The following MEIS2 variants were observed in gnomAD, a reference collection of about 807,000 sequenced individuals.
The protein encoded by MEIS2 is Meis homeobox 2.
MEIS2 carries 9 observed loss-of-function variants against 58.6 expected under a neutral mutation model. The observed-to-expected ratio is 0.15, with a 90% CI of 0.09 to 0.27. The LOEUF (loss-of-function observed/expected upper bound fraction) is 0.27, where lower values mean the gene tolerates loss of function less well. Ranked by LOEUF, MEIS2 falls within the 10% of genes least tolerant of loss-of-function variation. The pLI is 1.00. For missense variants in MEIS2, 427 were observed against 635.0 expected (o/e 0.67, Z 3.52); for synonymous variants, 221 against 228.4 (o/e 0.97, Z 0.29).
At chr15:36,966,664 G>C (rs909483445) in intron 8 of MEIS2, among the ~76,000 whole-genome samples, 1 of 152,144 alleles carries the variant, frequency 6.6e-6, no homozygotes, top group South Asian at 2.1e-4. Context: ...TGTTACAGGA[G>C]AGAAAAATCT....
intron 8 of MEIS2, among the ~76,000 whole-genome samples, chr15:37,020,196 C>T (rs1424347696): frequency 6.6e-6 from 1 of 152,122 alleles, no homozygotes; most frequent in Non-Finnish European, 1.5e-5. Flanking sequence ...CAAGTCTCCT[C>T]TACAAAGCGT....
In MEIS2 at chr15:36,947,678, G is replaced by C. The variant is rs76906961; in HGVS notation, c.977+2646C>G. Among the ~76,000 whole-genome samples the C allele has an allele frequency of 4.6e-3, 703 of 151,938 alleles. 3 individuals are homozygous for C. The highest frequency in any genetic ancestry group is 7.2e-3 in the Non-Finnish European group (490 of 67,874). On this transcript the variant is annotated intron_variant, in intron 9 of 11. Coordinates refer to ENST00000561208, the MANE Select transcript of MEIS2 (RefSeq NM_170675.5). ...CAAGCCTAATTTCCTGGTCTCAATC[G>C]GAGAAGTGGGCATTATTTCCTAGTA...
chr15:36,943,339 T>G (rs1274774839), intron 9 of MEIS2, among the ~76,000 whole-genome samples: 1 of 152,148 alleles, frequency 6.6e-6, no homozygotes. Flanking sequence ...TATAATGAAG[T>G]GCAGAAGTAG....
At chr15:36,896,710 G>T in intron 9 of MEIS2, 24 bp from the exon 10 acceptor site, 1 of 1,601,592 alleles carries the variant, frequency 6.2e-7, no homozygotes, top group Non-Finnish European at 8.6e-7. Flanking sequence ...GAGAAGTCCA[G>T]TCATCATACT....
intron 6 of MEIS2, among the ~76,000 whole-genome samples, chr15:37,088,124 C>G (rs374853267): frequency 6.6e-6 from 1 of 152,124 alleles, no homozygotes; most frequent in Non-Finnish European, 1.5e-5. Context: ...AAGTGATGTA[C>G]CTCATTTCTA....
chr15:36,908,635 C>T (rs2056855484), intron 9 of MEIS2, among the ~76,000 whole-genome samples: 1 of 152,198 alleles, frequency 6.6e-6, no homozygotes, highest in South Asian at 2.1e-4. Context: ...TCCACTTTCA[C>T]AATGCAGATA....
intron 8 of MEIS2, among the ~76,000 whole-genome samples, chr15:37,029,193 T>C (rs962323776): frequency 1.9e-4 from 29 of 152,220 alleles, no homozygotes; most frequent in African/African-American, 6.7e-4. Flanking sequence ...CTATGCTGCA[T>C]GTTTGTGGGA....
chr15:37,013,165 G>T (rs1161361727), intron 8 of MEIS2, among the ~76,000 whole-genome samples: 4 of 152,140 alleles, frequency 2.6e-5, no homozygotes, highest in African/African-American at 9.7e-5. Context: ...AGTGCCAGAT[G>T]GCACCTTACA....
At chr15:37,054,953 A>T (rs1319686551) in intron 7 of MEIS2, among the ~76,000 whole-genome samples, 1 of 152,198 alleles carries the variant, frequency 6.6e-6, no homozygotes, top group Non-Finnish European at 1.5e-5. Context: ...TCTCTTCCAG[A>T]CACTCTGCTA....
At chr15:37,003,340 A>AAACAAC (rs35132063) in intron 8 of MEIS2, among the ~76,000 whole-genome samples, 31 of 151,376 alleles carry the variant, frequency 2.0e-4, no homozygotes, top group South Asian at 4.2e-4. Flanking sequence ...CTTCCAGGGT[A>AAACAAC]AACAACAACA....
At chr15:36,938,067 T>C (rs920213180) in intron 9 of MEIS2, among the ~76,000 whole-genome samples, 5 of 152,174 alleles carry the variant, frequency 3.3e-5, no homozygotes, top group African/African-American at 1.2e-4. Context: ...TGGTTCTATA[T>C]AGCTTTCTGC....
At chr15:36,940,473 A>G (rs1014347126) in intron 9 of MEIS2, among the ~76,000 whole-genome samples, 1 of 152,126 alleles carries the variant, frequency 6.6e-6, no homozygotes, top group Non-Finnish European at 1.5e-5. Context: ...TTTAATTGGT[A>G]TCACTTTGTC....
intron 7 of MEIS2, among the ~76,000 whole-genome samples, chr15:37,059,434 T>C (rs1383869774): frequency 6.6e-6 from 1 of 152,218 alleles, no homozygotes; most frequent in Non-Finnish European, 1.5e-5. Context: ...CTCTTTCAAA[T>C]TATTTGGCCT....
At chr15:36,906,804 A>T (rs76720241) in intron 9 of MEIS2, among the ~76,000 whole-genome samples, 7,376 of 152,226 alleles carry the variant, frequency 0.048, 598 homozygotes, top group African/African-American at 0.17. Flanking sequence ...GGCTACCTCC[A>T]AAAAAATTAC....
chr15:36,914,276 C>T (rs2057173540), intron 9 of MEIS2, among the ~76,000 whole-genome samples: 1 of 152,174 alleles, frequency 6.6e-6, no homozygotes. Flanking sequence ...ACTCTTGTGC[C>T]AGAGTATTCA....
At chr15:36,918,922 A>T (rs1382015251) in intron 9 of MEIS2, among the ~76,000 whole-genome samples, 1 of 152,192 alleles carries the variant, frequency 6.6e-6, no homozygotes, top group African/African-American at 2.4e-5. Flanking sequence ...ACCATTTCTC[A>T]TCTGTAAAAT....
chr15:37,047,181 C>T (rs2062710802), intron 7 of MEIS2, among the ~76,000 whole-genome samples: 1 of 152,122 alleles, frequency 6.6e-6, no homozygotes, highest in Admixed American at 6.5e-5. Flanking sequence ...CTCAAATGCC[C>T]TTTTCCACAG....
chr15:36,997,646 A>ATT (rs200696936), intron 8 of MEIS2, among the ~76,000 whole-genome samples: 5 of 151,288 alleles, frequency 3.3e-5, no homozygotes, highest in Non-Finnish European at 7.4e-5. Context: ...CGCCTGGCTA[A>ATT]TTTTTTTTGT....
At chr15:37,071,950 T>C (rs979003470) in intron 7 of MEIS2, among the ~76,000 whole-genome samples, 5 of 152,080 alleles carry the variant, frequency 3.3e-5, no homozygotes, top group Non-Finnish European at 7.4e-5. Context: ...TTCAAACACA[T>C]GGCAGGGAAA....
Sources: allele counts gnomAD v4.1 joint callset (sites outside exome capture counted in the v4.1 genomes callset), GRCh38; gene constraint gnomAD v4.1.1; transcripts MANE v1.5; gene names NCBI Gene and HGNC (gene_info 2026-07-23, HGNC 2026-07-21).